Variants in FAM222B observed in about 807,000 individuals in gnomAD.
FAM222B encodes the protein protein FAM222B.
A neutral mutation model predicts 38.0 loss-of-function variants in FAM222B; 12 were observed. The ratio of observed to expected loss-of-function variants is 0.32; its 90% CI spans 0.20 to 0.51. FAM222B has a LOEUF of 0.51. Among genes scored for constraint, FAM222B ranks in the 20% least tolerant of loss-of-function variants. FAM222B has a pLI of 0.97. For missense variants in FAM222B, 716 were observed against 754.2 expected, an observed-to-expected ratio of 0.95 and a Z score of 0.59; for synonymous variants, 329 against 317.2, an observed-to-expected ratio of 1.04 and a Z score of -0.40.
chr17:28,792,146 C>T (rs2036722558), intron 1 of FAM222B, among the ~76,000 whole-genome samples: 1 of 151,348 alleles, frequency 6.6e-6, no homozygotes, highest in East Asian at 2.0e-4. Context: ...CCCGTCTCTA[C>T]TAAAAATACA....
At chr17:28,776,314 T>C (rs1025713003) in intron 1 of FAM222B, among the ~76,000 whole-genome samples, 1 of 138,826 alleles carries the variant, frequency 7.2e-6, no homozygotes, top group Non-Finnish European at 1.5e-5. Flanking sequence ...GAAGCAGAGT[T>C]GCAATGAGGC....
chr17:28,823,875 ATTTTTT>A (rs367743538), intron 1 of FAM222B, among the ~76,000 whole-genome samples: 1 of 134,064 alleles, frequency 7.5e-6, no homozygotes, highest in Middle Eastern at 4.1e-3. Flanking sequence ...CCAAAAGAGA[ATTTTTT>A]TTTTTTTTTT....
At chr17:28,793,494 G>A (rs1487494909) in intron 1 of FAM222B, among the ~76,000 whole-genome samples, 1 of 152,002 alleles carries the variant, frequency 6.6e-6, no homozygotes, top group Non-Finnish European at 1.5e-5. Flanking sequence ...TGGCCAGCAG[G>A]GACTTAGCTA....
rs975189237 is a variant in FAM222B at position 28,797,561 on chromosome 17, A to C, written c.-40-30854T>G. ...TTTTTTTCAGTAGCTAAGAATTTGG[A>C]CTAGACCACTAGAATCAACTTTTAG... On this transcript the variant is annotated intron_variant, in intron 1 of 2. Coordinates refer to ENST00000581407, the MANE Select transcript of FAM222B (RefSeq NM_001077498.3). Among the ~76,000 whole-genome samples, 45 of 152,138 alleles carry C rather than the reference A, an allele frequency of 3.0e-4. 1 individual carries two copies.
chr17:28,850,414 G>T (rs2039173105), intron 1 of FAM222B, among the ~76,000 whole-genome samples: 1 of 151,784 alleles, frequency 6.6e-6, no homozygotes, highest in Admixed American at 6.6e-5. Context: ...CCATTCTCCT[G>T]CCTCAGCCTC....
At chr17:28,784,348 A>C (rs948023788) in intron 1 of FAM222B, among the ~76,000 whole-genome samples, 2 of 151,650 alleles carry the variant, frequency 1.3e-5, no homozygotes, top group African/African-American at 4.8e-5. Context: ...TGGTGGCATA[A>C]ACTTATAGTC....
chr17:28,790,940 C>A (rs2151870559), intron 1 of FAM222B, among the ~76,000 whole-genome samples: 1 of 97,322 alleles, frequency 1.0e-5, no homozygotes, highest in Non-Finnish European at 2.0e-5. Flanking sequence ...GCTCTGTTGC[C>A]CAGGCTGGAG....
At chr17:28,783,647 T>C (rs2036258712) in intron 1 of FAM222B, among the ~76,000 whole-genome samples, 1 of 152,028 alleles carries the variant, frequency 6.6e-6, no homozygotes, top group Non-Finnish European at 1.5e-5. Context: ...CTAGCTGGGA[T>C]TACAGGCACG....
intron 1 of FAM222B, among the ~76,000 whole-genome samples, chr17:28,850,766 T>A (rs1389653023): frequency 6.6e-6 from 1 of 152,136 alleles, no homozygotes; most frequent in Non-Finnish European, 1.5e-5. Context: ...TTCTAGAAAC[T>A]TCTCGTGTGC....
intron 1 of FAM222B, among the ~76,000 whole-genome samples, chr17:28,801,689 A>G (rs1302177704): frequency 6.6e-6 from 1 of 152,094 alleles, no homozygotes; most frequent in South Asian, 2.1e-4. Context: ...GGGTCCATAC[A>G]GGAACCCAGT....
chr17:28,768,851 A>C (rs1010610563), intron 1 of FAM222B, among the ~76,000 whole-genome samples: 4 of 151,438 alleles, frequency 2.6e-5, no homozygotes, highest in Non-Finnish European at 5.9e-5. Flanking sequence ...AAAAAAAAAA[A>C]AAAAAAAAAG....
At chr17:28,841,226 C>A (rs1047584980) in intron 1 of FAM222B, among the ~76,000 whole-genome samples, 1 of 151,972 alleles carries the variant, frequency 6.6e-6, no homozygotes, top group Non-Finnish European at 1.5e-5. Context: ...ACCCGGGAGG[C>A]GGAGGTTGCT....
At chr17:28,772,783 T>C (rs1286969104) in intron 1 of FAM222B, among the ~76,000 whole-genome samples, 1 of 152,004 alleles carries the variant, frequency 6.6e-6, no homozygotes, top group Non-Finnish European at 1.5e-5. Flanking sequence ...TAGTCCCACC[T>C]ACTCAGGAGG....
At chr17:28,851,357 A>C (rs1437946550) in intron 1 of FAM222B, among the ~76,000 whole-genome samples, 1 of 151,190 alleles carries the variant, frequency 6.6e-6, no homozygotes, top group Non-Finnish European at 1.5e-5. Flanking sequence ...ACATGGTGAA[A>C]CCCCATCTCT....
At chr17:28,769,742 G>A (rs1458308183) in intron 1 of FAM222B, among the ~76,000 whole-genome samples, 1 of 152,066 alleles carries the variant, frequency 6.6e-6, no homozygotes, top group Non-Finnish European at 1.5e-5. Flanking sequence ...GACCTACCCT[G>A]CCCTCTCTTG....
At chr17:28,781,090 T>C (rs1445767591) in intron 1 of FAM222B, among the ~76,000 whole-genome samples, 3 of 151,838 alleles carry the variant, frequency 2.0e-5, no homozygotes, top group African/African-American at 7.3e-5. Flanking sequence ...AATAGGTACG[T>C]GAAAAAATGC....
intron 1 of FAM222B, among the ~76,000 whole-genome samples, chr17:28,815,295 C>T (rs1446740692): frequency 2.0e-5 from 3 of 151,766 alleles, no homozygotes; most frequent in African/African-American, 7.3e-5. Flanking sequence ...CGCACTGCAA[C>T]CTCCACCTCC....
chr17:28,828,437 C>T (rs183273806), intron 1 of FAM222B, among the ~76,000 whole-genome samples: 15 of 151,666 alleles, frequency 9.9e-5, no homozygotes, highest in Admixed American at 4.6e-4. Context: ...GGCATGGTGG[C>T]GCACCATCTG....
At chr17:28,845,711 C>T (rs552145706), upstream of FAM222B, among the ~76,000 whole-genome samples, 14 of 151,524 alleles carry the variant, frequency 9.2e-5, no homozygotes, top group East Asian at 1.4e-3. Context: ...CTGGCTAACA[C>T]GGTGAAACCC....
Sources: allele counts gnomAD v4.1 joint callset (sites outside exome capture counted in the v4.1 genomes callset), GRCh38; gene constraint gnomAD v4.1.1; transcripts MANE v1.5; gene names NCBI Gene and HGNC (gene_info 2026-07-23, HGNC 2026-07-21).